The following CFAP57 variants were observed in gnomAD, a reference collection of about 807,000 sequenced individuals.
The protein encoded by CFAP57 is cilia and flagella associated protein 57.
A neutral mutation model predicts 146.8 loss-of-function variants in CFAP57; 116 were observed. That is an observed-to-expected ratio of 0.79 (90% CI 0.68 to 0.92). CFAP57 has a LOEUF of 0.92. CFAP57 is among the 40% of genes least tolerant of loss of function. The pLI is 0.00. For missense variants in CFAP57, 1,377 were observed against 1,527.2 expected (o/e 0.90, Z 1.64); for synonymous variants, 518 against 552.8 (o/e 0.94, Z 0.88).
intron 3 of CFAP57, among the ~76,000 whole-genome samples, chr1:43,182,700 A>G (rs1645464267): frequency 6.6e-6 from 1 of 152,194 alleles, no homozygotes; most frequent in Non-Finnish European, 1.5e-5. Context: ...GGGTATTTCA[A>G]CCAGGCCACA....
intron 21 of CFAP57, among the ~76,000 whole-genome samples, 156 bp downstream of exon 21, chr1:43,234,794 T>C (rs1268210798): frequency 1.3e-5 from 2 of 152,134 alleles, no homozygotes; most frequent in Non-Finnish European, 2.9e-5. Flanking sequence ...TCCTCTCCTC[T>C]GAGCTCGTCT....
rs1319197040 is a variant in CFAP57 at position 43,222,259 on chromosome 1, G to A, written c.2496G>A (p.Glu832=). ...QALEELTEFY[E]AKLQEKTTLL... ...TGGAGGAGCTGACTGAGTTTTACGAGGCAAAACTGCAGGAGAAAACCACCC... is the reference window on the plus strand; with the variant it reads ...TGGAGGAGCTGACTGAGTTTTACGAAGCAAAACTGCAGGAGAAAACCACCC... The change falls in exon 15 of 23, where the codon GAG becomes GAA. Residue 832 remains glutamate (E), a synonymous_variant. Transcript: ENST00000372492. 3 of 1,473,638 alleles carry A rather than the reference G, an allele frequency of 2.0e-6. No individual in the cohort carries two copies. The highest frequency in any genetic ancestry group is 2.7e-6 in the Non-Finnish European group (3 of 1,108,354). 91.3% of individuals were successfully genotyped at this position (1,473,638 alleles called of 1,614,324 possible).
At chr1:43,232,646 G>T (rs1432052922) in intron 19 of CFAP57, 22 bp downstream of exon 19, 2 of 1,492,472 alleles carry the variant, frequency 1.3e-6, no homozygotes, top group Non-Finnish European at 9.0e-7. Context: ...TCAGAGTCTG[G>T]CAGTTCTTGG....
intron 18 of CFAP57, among the ~76,000 whole-genome samples, chr1:43,230,336 C>G (rs915984956): frequency 5.3e-5 from 8 of 152,218 alleles, no homozygotes; most frequent in African/African-American, 1.7e-4. Context: ...TGGCAGCCTC[C>G]TGACTGGTCT....
rs905962513 is a variant in CFAP57, at chr1:43,201,565, A to C, written c.1542+2062A>C. On this transcript the variant is annotated intron_variant, in intron 9 of 22. Transcript: ENST00000372492. This position sits in a 1 kb window ranked among gnomAD's most constrained non-coding sequence, Gnocchi z 4.4. ...CAGAGGCGTGATCTCGGCTCACTGCAACCTCCACCTCCTGAGTTCAAGCGA... is the reference window on the plus strand; with the variant it reads ...CAGAGGCGTGATCTCGGCTCACTGCCACCTCCACCTCCTGAGTTCAAGCGA... 1.3e-5 allele frequency among the ~76,000 whole-genome samples: 2 copies of C among 152,194 alleles called. No individual in the cohort carries two copies. Among genetic ancestry groups the C allele is most frequent in the Non-Finnish European group, 2.9e-5 (2 of 68,032 alleles).
At chr1:43,214,670 AT>A (rs1193601967) in intron 11 of CFAP57, among the ~76,000 whole-genome samples, 4 of 152,136 alleles carry the variant, frequency 2.6e-5, no homozygotes. Context: ...GTAAGTGTAT[AT>A]TCAGGTTTGT....
At chr1:43,206,624 C>T in intron 9 of CFAP57, 96 bp from the exon 10 acceptor site, 1 of 1,238,916 alleles carries the variant, frequency 8.1e-7, no homozygotes, top group Non-Finnish European at 1.2e-6. Context: ...ACGTTCTGCT[C>T]AGTCTAGTGG....
At position 43,183,625 on chromosome 1, in the gene CFAP57, G is replaced by C. The variant is rs1342183307; in HGVS notation, c.509G>C (p.Cys170Ser). The change falls in exon 4 of 23, where the codon TGT becomes TCT. Residue 170 changes from cysteine (C) to serine (S), a missense_variant. Cys to Ser is a moderately radical substitution (Grantham distance 112). Coordinates refer to ENST00000372492, the MANE Select transcript of CFAP57 (RefSeq NM_001378189.1). ...SFSPQDNTQVCVTGNGMFKLL... is the reference protein window; with the variant it reads ...SFSPQDNTQVSVTGNGMFKLL... ...AGTCCACAGGATAACACTCAGGTGTGTGTCACTGGAAATGGGATGTTTAAG... is the reference window on the plus strand; with the variant it reads ...AGTCCACAGGATAACACTCAGGTGTCTGTCACTGGAAATGGGATGTTTAAG... 6.2e-7 allele frequency: 1 copy of C among 1,614,190 alleles called. No individual in the cohort carries two copies.
At chr1:43,178,537 C>G (rs1430759472) in intron 2 of CFAP57, among the ~76,000 whole-genome samples, 1 of 152,172 alleles carries the variant, frequency 6.6e-6, no homozygotes, top group Admixed American at 6.5e-5. Context: ...TGAAAAAATG[C>G]TCATCATTAC....
chr1:43,181,846 AC>A lies in CFAP57; in HGVS notation c.472del (p.Gln158ArgfsTer2). On this transcript the variant is annotated frameshift_variant, in exon 3 of 23. Transcript: ENST00000372492. LOFTEE classifies it high-confidence loss of function. ...VRIDTQNNPV[Y>X]QVSFSPQDNT... ...ATCGACACTCAGAACAACCCTGTCTACCAGGTACCTAGTAGTGTGACAAGTA... is the reference window on the plus strand; with the variant it reads ...ATCGACACTCAGAACAACCCTGTCTACAGGTACCTAGTAGTGTGACAAGTA... The A allele has an allele frequency of 1.9e-6, 3 of 1,614,204 alleles. No homozygotes were observed. Among genetic ancestry groups the A allele is most frequent in the Non-Finnish European group, 2.5e-6 (3 of 1,180,014 alleles).
intron 2 of CFAP57, among the ~76,000 whole-genome samples, chr1:43,173,288 T>C (rs559204530): frequency 6.6e-6 from 1 of 152,324 alleles, no homozygotes; most frequent in African/African-American, 2.4e-5. Context: ...CCAAGTATGA[T>C]GAAGACACTG....
intron 21 of CFAP57, among the ~76,000 whole-genome samples, chr1:43,235,025 G>A (rs973253981): frequency 3.3e-5 from 5 of 151,972 alleles, no homozygotes; most frequent in African/African-American, 1.2e-4. Context: ...TACCTCTCCT[G>A]AGCCACTTTC....
chr1:43,230,865 A>G (rs1645439123), intron 18 of CFAP57, among the ~76,000 whole-genome samples: 1 of 152,204 alleles, frequency 6.6e-6, no homozygotes, highest in Non-Finnish European at 1.5e-5. Context: ...TTGAAGGCAG[A>G]AACTACTTCT....
Position 43,209,806 on chromosome 1 carries a change from C to A in CFAP57, c.1819C>A (p.Arg607Ser). 1 of 1,614,172 alleles carries A rather than the reference C, an allele frequency of 6.2e-7. No individual in the cohort carries two copies. The highest frequency in any genetic ancestry group is 8.5e-7 in the Non-Finnish European group (1 of 1,180,048). ...YTAIVISHSG[R>S]MMFVGTSVGT... ...CGCCATTGTCATCTCGCATTCTGGACGCATGATGTTTGTGGGCACCTCGGT... is the reference window on the plus strand; with the variant it reads ...CGCCATTGTCATCTCGCATTCTGGAAGCATGATGTTTGTGGGCACCTCGGT... Residue 607 changes from arginine to serine, a missense_variant, in exon 11 of 23, where the codon CGC becomes AGC. Transcript: ENST00000372492.
chr1:43,226,159 T>A (rs767295853), intron 17 of CFAP57, among the ~76,000 whole-genome samples: 14 of 152,198 alleles, frequency 9.2e-5, no homozygotes, highest in Non-Finnish European at 1.8e-4. Flanking sequence ...GGTGACAAAG[T>A]GAGACCCATC....
intron 4 of CFAP57, 57 bp from the exon 5 acceptor site, chr1:43,185,092 A>G: frequency 2.5e-6 from 4 of 1,582,932 alleles, no homozygotes; most frequent in Non-Finnish European, 3.5e-6. Context: ...TCCCCAGCAG[A>G]ATTCATCTCC....
intron 2 of CFAP57, chr1:43,177,187 C>G (rs751973540): frequency 1.1e-5 from 5 of 456,216 alleles, no homozygotes; most frequent in African/African-American, 4.0e-5. Flanking sequence ...GGGAGAACAG[C>G]TGAGGGATGA....
At chr1:43,212,248 A>G (rs978027280) in intron 11 of CFAP57, among the ~76,000 whole-genome samples, 2 of 152,186 alleles carry the variant, frequency 1.3e-5, no homozygotes, top group Non-Finnish European at 2.9e-5. Context: ...GAACCGTTCC[A>G]TCCCCACAAA....
chr1:43,227,436 G>A (rs1645290937), intron 18 of CFAP57, among the ~76,000 whole-genome samples: 1 of 152,194 alleles, frequency 6.6e-6, no homozygotes, highest in South Asian at 2.1e-4. Flanking sequence ...TGGGCATTTG[G>A]CCACCAGAGG....
Sources: allele counts gnomAD v4.1 joint callset (sites outside exome capture counted in the v4.1 genomes callset), GRCh38; gene constraint gnomAD v4.1.1; non-coding constraint Gnocchi (gnomAD v3.1); transcripts MANE v1.5; gene names NCBI Gene and HGNC (gene_info 2026-07-23, HGNC 2026-07-21).